The following SLCO5A1 variants were observed in gnomAD, a reference collection of about 807,000 sequenced individuals.
SLCO5A1 encodes the protein solute carrier organic anion transporter family member 5A1.
In SLCO5A1, 39 loss-of-function variants were observed where a neutral mutation model predicts 65.1. The ratio of observed to expected loss-of-function variants is 0.60; its 90% confidence interval spans 0.46 to 0.78. The LOEUF (loss-of-function observed/expected upper bound fraction) is 0.78, where lower values mean the gene tolerates loss of function less well. SLCO5A1 is among the 30% of genes least tolerant of loss of function. The pLI is 0.00. For missense variants in SLCO5A1, 1,029 were observed against 1,069.4 expected, an observed-to-expected ratio of 0.96 and a Z score of 0.53; for synonymous variants, 438 against 415.7, an observed-to-expected ratio of 1.05 and a Z score of -0.65.
chr8:69,806,050 A>C (rs577059442), intron 2 of SLCO5A1, among the ~76,000 whole-genome samples: 1 of 152,342 alleles, frequency 6.6e-6, no homozygotes, highest in East Asian at 1.9e-4. Flanking sequence ...TGACCACAGT[A>C]CTACTAAATT....
At chr8:69,784,845 A>AAGAAAGAAAGAC in intron 2 of SLCO5A1, among the ~76,000 whole-genome samples, 1 of 147,934 alleles carries the variant, frequency 6.8e-6, no homozygotes, top group African/African-American at 2.5e-5. Flanking sequence ...GAAAGAAAGA[A>AAGAAAGAAAGAC]AGAAAGAAAG....
intron 2 of SLCO5A1, among the ~76,000 whole-genome samples, chr8:69,790,191 C>CAA (rs374635955): frequency 8.2e-4 from 44 of 53,608 alleles, no homozygotes; most frequent in African/African-American, 1.8e-3. Context: ...GACTCCTTCT[C>CAA]AAAAAAAAAA....
At chr8:69,697,568 G>T (rs1227463590) in intron 6 of SLCO5A1, among the ~76,000 whole-genome samples, 1 of 152,038 alleles carries the variant, frequency 6.6e-6, no homozygotes, top group African/African-American at 2.4e-5. Flanking sequence ...GGGACAGCGG[G>T]CTCCCCTAGA....
rs2130777569 is a variant in SLCO5A1 at position 69,667,050 on chromosome 8, A to G, written c.*5819T>C. The G allele has an allele frequency of 6.6e-6, 1 of 152,316 alleles. No homozygotes were observed. The allele number at this position is 152,316 out of a possible 1,614,324, so 9.4% of individuals were successfully genotyped here. A position where few individuals can be genotyped will look rare whatever the true frequency, so the allele number is the denominator to read the frequency against. ...AAAGTTCTAGAAACAATTTCATTTCAGTCCAACACACTTTATTCATTTTTA... is the reference window on the plus strand; with the variant it reads ...AAAGTTCTAGAAACAATTTCATTTCGGTCCAACACACTTTATTCATTTTTA... On this transcript the variant is annotated 3_prime_UTR_variant, in exon 10 of 10. Coordinates refer to ENST00000260126, the MANE Select transcript of SLCO5A1 (RefSeq NM_030958.3).
chr8:69,699,916 C>T (rs1814652941), intron 6 of SLCO5A1, among the ~76,000 whole-genome samples: 1 of 152,164 alleles, frequency 6.6e-6, no homozygotes, highest in Non-Finnish European at 1.5e-5. Flanking sequence ...CTCAGAAGCT[C>T]AAGACCAGCC....
intron 2 of SLCO5A1, among the ~76,000 whole-genome samples, chr8:69,826,735 G>T (rs1319901196): frequency 6.6e-6 from 1 of 152,196 alleles, no homozygotes; most frequent in African/African-American, 2.4e-5. Context: ...GGAAGTCAGT[G>T]TGGCGATTCC....
chr8:69,751,752 G>T (rs1490678880), intron 4 of SLCO5A1, among the ~76,000 whole-genome samples: 2 of 151,960 alleles, frequency 1.3e-5, no homozygotes, highest in Non-Finnish European at 2.9e-5. Context: ...TTGCCATGTT[G>T]GCCAGGTTGG....
intron 5 of SLCO5A1, among the ~76,000 whole-genome samples, chr8:69,707,216 G>T (rs1815011591): frequency 6.6e-6 from 1 of 152,114 alleles, no homozygotes. Context: ...ATCTGAAAGA[G>T]AAACAAACAA....
At chr8:69,809,155 A>G (rs1036936105) in intron 2 of SLCO5A1, among the ~76,000 whole-genome samples, 13 of 152,192 alleles carry the variant, frequency 8.5e-5, no homozygotes, top group African/African-American at 3.1e-4. Flanking sequence ...CTTTGTTACA[A>G]TGTAAAAAGT....
chr8:69,812,569 G>C (rs1351170029), intron 2 of SLCO5A1, among the ~76,000 whole-genome samples: 2 of 152,170 alleles, frequency 1.3e-5, no homozygotes, highest in Admixed American at 1.3e-4. Flanking sequence ...ATCCACGTGA[G>C]GGCCCTGCAG....
At position 69,808,539 on chromosome 8, in the gene SLCO5A1, G is replaced by C. The variant is rs549221684; in HGVS notation, c.907+23228C>G. Among the ~76,000 whole-genome samples the C allele has an allele frequency of 5.3e-5, 8 of 152,266 alleles. No homozygotes were observed. In the South Asian group the frequency reaches 1.7e-3, roughly 32 times the overall value. On this transcript the variant is annotated intron_variant, in intron 2 of 9. Transcript: ENST00000260126. ...CTGCATAGTATTCCATGGTGTGTAT[G>C]TACCACATTTTCTTTATCCAGTCTA...
chr8:69,819,273 C>T (rs112743941), intron 2 of SLCO5A1, among the ~76,000 whole-genome samples: 8 of 151,914 alleles, frequency 5.3e-5, no homozygotes, highest in East Asian at 1.9e-4. Context: ...TAAGTATGCA[C>T]GCAGGGAGTG....
intron 2 of SLCO5A1, among the ~76,000 whole-genome samples, chr8:69,819,898 G>T (rs1383329276): frequency 1.3e-5 from 2 of 152,174 alleles, no homozygotes; most frequent in African/African-American, 4.8e-5. Flanking sequence ...GGGAGGTGGA[G>T]GTTGCAGTGA....
intron 2 of SLCO5A1, among the ~76,000 whole-genome samples, chr8:69,820,018 T>G (rs189622934): frequency 1.3e-5 from 2 of 152,342 alleles, no homozygotes; most frequent in East Asian, 3.9e-4. Context: ...GGCAACCGTG[T>G]GAACATGACT....
intron 4 of SLCO5A1, among the ~76,000 whole-genome samples, chr8:69,755,044 A>G (rs1006699608): frequency 6.6e-6 from 1 of 152,222 alleles, no homozygotes. Flanking sequence ...TAATTATAGT[A>G]AATAACATAT....
intron 5 of SLCO5A1, among the ~76,000 whole-genome samples, chr8:69,713,062 G>A (rs1470972961): frequency 1.3e-5 from 2 of 152,126 alleles, no homozygotes; most frequent in East Asian, 3.8e-4. Context: ...ATTAGCAAAA[G>A]CTTAAACTGC....
chr8:69,822,639 A>G (rs1421066316), intron 2 of SLCO5A1, among the ~76,000 whole-genome samples: 1 of 152,220 alleles, frequency 6.6e-6, no homozygotes, highest in East Asian at 1.9e-4. Context: ...GATAAGTTTG[A>G]ATTCTACTTT....
chr8:69,719,234 G>A (rs1815705194), intron 5 of SLCO5A1, among the ~76,000 whole-genome samples: 1 of 152,186 alleles, frequency 6.6e-6, no homozygotes, highest in Non-Finnish European at 1.5e-5. Context: ...TAACCAGTAT[G>A]CTAAATACTG....
At chr8:69,780,534 T>C (rs1563720136) in intron 2 of SLCO5A1, among the ~76,000 whole-genome samples, 1 of 152,166 alleles carries the variant, frequency 6.6e-6, no homozygotes, top group Non-Finnish European at 1.5e-5. Flanking sequence ...TTATCCTAAG[T>C]GGAACAAGCC....
Sources: gnomAD v4.1 joint callset for allele counts (sites outside exome capture counted in the v4.1 genomes callset) on GRCh38, gnomAD v4.1.1 for gene constraint, MANE v1.5 for transcripts, NCBI Gene and HGNC (gene_info 2026-07-23, HGNC 2026-07-21) for gene names.